Variants in NCKAP5 observed in about 807,000 individuals in gnomAD.
NCKAP5 encodes the protein nck-associated protein 5.
Under a neutral mutation model 167.0 loss-of-function variants are expected in NCKAP5, and 92 were observed. That is an observed-to-expected ratio of 0.55 (90% confidence interval 0.47 to 0.66). NCKAP5 has a LOEUF of 0.66. Ranked by LOEUF, NCKAP5 falls within the 30% of genes least tolerant of loss-of-function variation. The probability of loss-of-function intolerance (pLI) is 0.00; values close to 1 mark genes in which losing one functional copy is unlikely to be tolerated. For synonymous variants in NCKAP5, 891 were observed against 877.4 expected (o/e 1.02, Z -0.27); for missense variants, 2,378 against 2,315.0 (o/e 1.03, Z -0.56).
chr2:133,224,772 AT>A (rs1222299962), intron 4 of NCKAP5, among the ~76,000 whole-genome samples: 1 of 152,228 alleles, frequency 6.6e-6, no homozygotes, highest in Non-Finnish European at 1.5e-5. Flanking sequence ...TAAAATACAT[AT>A]TAGAGCAAAA....
At chr2:132,988,460 C>CAAA (rs57024269) in intron 7 of NCKAP5, among the ~76,000 whole-genome samples, 718 of 70,364 alleles carry the variant, frequency 0.01, 12 homozygotes, top group African/African-American at 0.032. Context: ...GACTTTGCCT[C>CAAA]AAAAAAAAAA....
intron 3 of NCKAP5, among the ~76,000 whole-genome samples, chr2:133,465,095 T>C (rs1575001931): frequency 1.3e-5 from 2 of 151,818 alleles, no homozygotes; most frequent in Non-Finnish European, 2.9e-5. Context: ...GCCATGCTGG[T>C]GTGCTGTACC....
At chr2:132,681,906 C>G (rs540304522) in intron 19 of NCKAP5, among the ~76,000 whole-genome samples, 1 of 152,174 alleles carries the variant, frequency 6.6e-6, no homozygotes, top group South Asian at 2.1e-4. Context: ...AATGGGACTG[C>G]AAGCTAAGGT....
intron 5 of NCKAP5, among the ~76,000 whole-genome samples, chr2:133,188,598 T>G (rs1261836570): frequency 6.6e-6 from 1 of 152,154 alleles, no homozygotes; most frequent in Non-Finnish European, 1.5e-5. Context: ...CAGACCACAG[T>G]GCAATCAAAC....
intron 6 of NCKAP5, among the ~76,000 whole-genome samples, chr2:132,998,451 C>T (rs991603256): frequency 6.6e-6 from 1 of 152,050 alleles, no homozygotes; most frequent in African/African-American, 2.4e-5. Context: ...CATTTCCCAC[C>T]CAAGTCTTGG....
intron 11 of NCKAP5, among the ~76,000 whole-genome samples, chr2:132,855,160 T>C (rs1162035400): frequency 6.6e-6 from 1 of 152,208 alleles, no homozygotes; most frequent in Non-Finnish European, 1.5e-5. Flanking sequence ...GTGTGATTTT[T>C]CAAAGTGTCC....
At chr2:133,178,002 T>C (rs2084544492) in intron 5 of NCKAP5, among the ~76,000 whole-genome samples, 1 of 152,082 alleles carries the variant, frequency 6.6e-6, no homozygotes, top group Non-Finnish European at 1.5e-5. Context: ...CTTCTTCCCA[T>C]CCCAATAGGG....
intron 5 of NCKAP5, among the ~76,000 whole-genome samples, chr2:133,174,466 C>T (rs1574271490): frequency 6.6e-6 from 1 of 152,156 alleles, no homozygotes; most frequent in East Asian, 1.9e-4. Context: ...ATTCCTCATA[C>T]TTTCACCCAC....
chr2:133,337,308 C>T (rs1412016446), intron 3 of NCKAP5, among the ~76,000 whole-genome samples: 2 of 152,232 alleles, frequency 1.3e-5, no homozygotes, highest in South Asian at 2.1e-4. Flanking sequence ...TTTCTCATGT[C>T]CTTTATGCTC....
chr2:133,320,269 C>T (rs1681935445), intron 3 of NCKAP5, among the ~76,000 whole-genome samples: 1 of 152,184 alleles, frequency 6.6e-6, no homozygotes, highest in South Asian at 2.1e-4. Flanking sequence ...CTAATTACTG[C>T]TCAGTCCCTT....
chr2:133,499,807 C>G (rs1290789984), intron 3 of NCKAP5, among the ~76,000 whole-genome samples: 1 of 152,184 alleles, frequency 6.6e-6, no homozygotes, highest in Non-Finnish European at 1.5e-5. Context: ...ATCCGCCCAC[C>G]TCGGCCTCCC....
At chr2:133,123,911 A>G in intron 6 of NCKAP5, 1 of 399,684 alleles carries the variant, frequency 2.5e-6, no homozygotes, top group South Asian at 1.9e-5. Flanking sequence ...CTTCTATGCC[A>G]GGTGCCTACA....
intron 6 of NCKAP5, among the ~76,000 whole-genome samples, chr2:133,062,892 GA>G (rs924767522): frequency 2.0e-5 from 3 of 151,896 alleles, no homozygotes; most frequent in African/African-American, 4.8e-5. Flanking sequence ...GATTTCATGG[GA>G]AAAAAATAAC....
At chr2:133,644,445 A>AT in the NCKAP5 span, among the ~76,000 whole-genome samples, 2 of 152,128 alleles carry the variant, frequency 1.3e-5, no homozygotes, top group Admixed American at 6.6e-5. Flanking sequence ...TTTGCCTGCC[A>AT]TCTCATCCAC....
chr2:133,401,037 G>C (rs184552256), intron 3 of NCKAP5, among the ~76,000 whole-genome samples: 2 of 152,156 alleles, frequency 1.3e-5, no homozygotes, highest in Non-Finnish European at 2.9e-5. Flanking sequence ...ATGGGACCTG[G>C]TTGCTAGAGG....
At chr2:133,063,711 C>T (rs2080089469) in intron 6 of NCKAP5, among the ~76,000 whole-genome samples, 1 of 152,204 alleles carries the variant, frequency 6.6e-6, no homozygotes, top group African/African-American at 2.4e-5. Flanking sequence ...TGCAGCTTAA[C>T]TTTCTCTCTA....
chr2:133,109,186 T>C (rs1293989594), intron 6 of NCKAP5, among the ~76,000 whole-genome samples: 1 of 152,216 alleles, frequency 6.6e-6, no homozygotes, highest in East Asian at 1.9e-4. Flanking sequence ...GGGATAAACG[T>C]GCTTTATAGA....
At chr2:133,066,102 T>C (rs1381174038) in intron 6 of NCKAP5, among the ~76,000 whole-genome samples, 2 of 152,222 alleles carry the variant, frequency 1.3e-5, no homozygotes, top group Non-Finnish European at 1.5e-5. Flanking sequence ...CTCATTAAGA[T>C]AATTACAACT....
chr2:132,897,905 T>C (rs865839964), intron 8 of NCKAP5, among the ~76,000 whole-genome samples: 2 of 152,362 alleles, frequency 1.3e-5, no homozygotes, highest in Middle Eastern at 3.4e-3. Context: ...TCCATGTTGA[T>C]GGCTGCTGAC....
Sources: gnomAD v4.1 joint callset for allele counts (sites outside exome capture counted in the v4.1 genomes callset) on GRCh38, gnomAD v4.1.1 for gene constraint, MANE v1.5 for transcripts, NCBI Gene and HGNC (gene_info 2026-07-23, HGNC 2026-07-21) for gene names.